Variants in CACNA1C observed in about 807,000 individuals in gnomAD.
CACNA1C encodes voltage-dependent L-type calcium channel subunit alpha-1C.
CACNA1C carries 30 observed loss-of-function variants against 229.0 expected under a neutral mutation model. The ratio of observed to expected loss-of-function variants is 0.13; its 90% CI spans 0.10 to 0.18. The LOEUF (loss-of-function observed/expected upper bound fraction) is 0.18. Ranked by LOEUF, CACNA1C falls within the 10% of genes least tolerant of loss-of-function variation. CACNA1C has a pLI of 1.00. For synonymous variants in CACNA1C, 1,114 were observed against 1,132.5 expected (o/e 0.98, Z 0.33); for missense variants, 1,658 against 2,845.0 (o/e 0.58, Z 9.49).
At chr12:2,535,717 A>AC (rs1568282930) in intron 9 of CACNA1C, among the ~76,000 whole-genome samples, 17 of 148,772 alleles carry the variant, frequency 1.1e-4, no homozygotes, top group African/African-American at 4.3e-4. Flanking sequence ...AAAAAAAAAA[A>AC]AAAAAAAAAA....
At chr12:2,509,650 T>G (rs1443912633) in intron 8 of CACNA1C, among the ~76,000 whole-genome samples, 1 of 152,154 alleles carries the variant, frequency 6.6e-6, no homozygotes, top group East Asian at 1.9e-4. Context: ...CTCCTACGCA[T>G]AGTGACACAG....
chr12:2,101,435 G>T (rs2076370216), intron 1 of CACNA1C, among the ~76,000 whole-genome samples: 1 of 152,208 alleles, frequency 6.6e-6, no homozygotes, highest in Non-Finnish European at 1.5e-5. Flanking sequence ...GGGGTTAGGG[G>T]CTCAACCTCC....
intron 31 of CACNA1C, among the ~76,000 whole-genome samples, chr12:2,650,129 T>C (rs760606182): frequency 6.6e-6 from 1 of 152,110 alleles, no homozygotes; most frequent in African/African-American, 2.4e-5. Flanking sequence ...AGCTCTAATT[T>C]TGAAATATAA....
At chr12:2,407,918 C>T (rs1287416152) in intron 3 of CACNA1C, among the ~76,000 whole-genome samples, 1 of 152,200 alleles carries the variant, frequency 6.6e-6, no homozygotes, top group Admixed American at 6.5e-5. Context: ...TAACTATTCT[C>T]CTCCAGCCAA....
At chr12:2,015,176 C>T (rs1259190371) in intron 1 of CACNA1C, among the ~76,000 whole-genome samples, 2 of 152,204 alleles carry the variant, frequency 1.3e-5, no homozygotes, top group East Asian at 3.8e-4. Flanking sequence ...TCTGTACTCT[C>T]TCTCCCTTTA....
intron 3 of CACNA1C, among the ~76,000 whole-genome samples, chr12:2,416,054 G>C (rs1234046340): frequency 6.6e-6 from 1 of 152,160 alleles, no homozygotes; most frequent in Non-Finnish European, 1.5e-5. Context: ...CTCTTCACGT[G>C]TATCCTCAAG....
At chr12:2,200,313 C>T (rs576762777) in intron 3 of CACNA1C, among the ~76,000 whole-genome samples, 2 of 152,164 alleles carry the variant, frequency 1.3e-5, no homozygotes, top group Non-Finnish European at 2.9e-5. Context: ...GGAGTGTTTA[C>T]CAAGTGTCAG....
At chr12:2,252,956 T>A (rs2076140955) in intron 3 of CACNA1C, among the ~76,000 whole-genome samples, 1 of 151,886 alleles carries the variant, frequency 6.6e-6, no homozygotes, top group African/African-American at 2.4e-5. Flanking sequence ...ATTTACTCCC[T>A]ACCCCTTGTG....
At chr12:2,304,057 G>A (rs527890660) in intron 3 of CACNA1C, among the ~76,000 whole-genome samples, 46 of 152,308 alleles carry the variant, frequency 3.0e-4, no homozygotes, top group African/African-American at 9.6e-4. Flanking sequence ...TCTTAAGAAA[G>A]CTGCAACATG....
At chr12:1,978,077 CACTCAGGAAAAATATTAAGTT>C (rs1409947855) in intron 1 of CACNA1C, among the ~76,000 whole-genome samples, 2 of 152,078 alleles carry the variant, frequency 1.3e-5, no homozygotes, top group Non-Finnish European at 2.9e-5. Context: ...TAATTCCTTC[CACTCAGGAAAAATATTAAGTT>C]ATACGGTTTC....
intron 5 of CACNA1C, among the ~76,000 whole-genome samples, chr12:2,474,644 T>TG (rs550144083): frequency 8.8e-4 from 133 of 151,696 alleles, no homozygotes; most frequent in Admixed American, 8.0e-3. Context: ...TAATCCCAGT[T>TG]GCTCGGGAGG....
intron 3 of CACNA1C, among the ~76,000 whole-genome samples, chr12:2,413,099 C>A (rs1027896123): frequency 7.9e-5 from 12 of 152,308 alleles, no homozygotes; most frequent in African/African-American, 2.6e-4. Flanking sequence ...CTCACTGCAA[C>A]CTCCGCCTCC....
chr12:2,440,391 G>A (rs888988343), intron 3 of CACNA1C, among the ~76,000 whole-genome samples: 2 of 152,186 alleles, frequency 1.3e-5, no homozygotes, highest in Non-Finnish European at 1.5e-5. Flanking sequence ...GTCCTACTGT[G>A]TCTGGCTTCT....
At chr12:2,057,989 T>C (rs958045905) in intron 1 of CACNA1C, among the ~76,000 whole-genome samples, 2 of 152,152 alleles carry the variant, frequency 1.3e-5, no homozygotes, top group African/African-American at 2.4e-5. Context: ...TGATTTCCGT[T>C]TATGAGTCTG....
intron 3 of CACNA1C, among the ~76,000 whole-genome samples, chr12:2,135,684 G>A (rs1201051827): frequency 2.1e-5 from 3 of 145,048 alleles, no homozygotes; most frequent in Non-Finnish European, 4.5e-5. Flanking sequence ...CCAGCCGCGT[G>A]CTGGGAGAAC....
At chr12:1,983,346 A>C (rs767379864) in intron 1 of CACNA1C, among the ~76,000 whole-genome samples, 30 of 151,900 alleles carry the variant, frequency 2.0e-4, no homozygotes, top group Non-Finnish European at 2.9e-4. Context: ...CTGACTTAAG[A>C]ACTTTCTTCT....
At chr12:2,282,831 A>G (rs1474554234) in intron 3 of CACNA1C, among the ~76,000 whole-genome samples, 2 of 152,204 alleles carry the variant, frequency 1.3e-5, no homozygotes, top group Non-Finnish European at 2.9e-5. Context: ...TTGGTTCAGC[A>G]GCTCAAGATG....
At position 2,290,128 on chromosome 12, in the gene CACNA1C, C is replaced by T. The variant is rs79423118; in HGVS notation, c.478-158848C>T. Among the ~76,000 whole-genome samples, 1,187 of 152,290 alleles carry T rather than the reference C, an allele frequency of 7.8e-3. 8 individuals are homozygous for T. The highest frequency in any genetic ancestry group is 0.014 in the Non-Finnish European group (928 of 68,032). The stretch of plus-strand genomic sequence containing the variant: ...TGGGCATTTATGGCCAAACTGCCCT[C>T]GCTCTGAAGATTCAATGTTTTAATT... On this transcript the variant is annotated intron_variant, in intron 3 of 46. Transcript: ENST00000399655.
chr12:2,458,407 AC>A (rs1404374575), intron 5 of CACNA1C, among the ~76,000 whole-genome samples: 3 of 152,218 alleles, frequency 2.0e-5, no homozygotes, highest in Non-Finnish European at 4.4e-5. Context: ...GGTACTGAAC[AC>A]AGTGGCTTCA....
Sources: allele counts gnomAD v4.1 joint callset (sites outside exome capture counted in the v4.1 genomes callset), GRCh38; gene constraint gnomAD v4.1.1; transcripts MANE v1.5; gene names NCBI Gene and HGNC (gene_info 2026-07-23, HGNC 2026-07-21).